The following CMTM4 variants were observed in gnomAD, a reference collection of about 807,000 sequenced individuals.
The protein encoded by CMTM4 is CKLF-like MARVEL transmembrane domain-containing protein 4.
In CMTM4, 8 loss-of-function variants were observed where a neutral mutation model predicts 19.0. The observed-to-expected ratio is 0.42, with a 90% confidence interval of 0.25 to 0.76. The LOEUF (loss-of-function observed/expected upper bound fraction) is 0.76, where lower values mean the gene tolerates loss of function less well. Ranked by LOEUF, CMTM4 falls within the 30% of genes least tolerant of loss-of-function variation. CMTM4 has a pLI of 0.27. For synonymous variants in CMTM4, 106 were observed against 121.1 expected (o/e 0.88, Z 0.82); for missense variants, 228 against 290.2 (o/e 0.79, Z 1.56).
chr16:66,656,501 C>G (rs1459345712), intron 1 of CMTM4, among the ~76,000 whole-genome samples: 4 of 152,006 alleles, frequency 2.6e-5, no homozygotes, highest in Non-Finnish European at 5.9e-5. Context: ...GTAGCTGGGA[C>G]CACAGGCATG....
the CMTM4 span, among the ~76,000 whole-genome samples, chr16:66,606,783 AG>A: frequency 6.6e-6 from 1 of 152,196 alleles, no homozygotes. Context: ...ACCTGAGGTC[AG>A]GAATTCGAGA....
chr16:66,633,802 A>T (rs1328362153), intron 2 of CMTM4, among the ~76,000 whole-genome samples: 1 of 150,682 alleles, frequency 6.6e-6, no homozygotes, highest in Non-Finnish European at 1.5e-5. Context: ...TGGGCGACAG[A>T]GCAAGACCCC....
At chr16:66,643,902 C>T (rs1267498644) in intron 1 of CMTM4, among the ~76,000 whole-genome samples, 1 of 152,070 alleles carries the variant, frequency 6.6e-6, no homozygotes, top group Non-Finnish European at 1.5e-5. Flanking sequence ...TACAGGTGCC[C>T]ACCACCACAC....
At position 66,620,412 on chromosome 16, in the gene CMTM4, C is replaced by A; in HGVS notation, c.*1646G>T. ...GTGCTCAGCCACATAGCCTGGGACA[C>A]TGCTCCCAACTCAGATCGTACTGAA... On this transcript the variant is annotated 3_prime_UTR_variant, in exon 4 of 4. Transcript: ENST00000394106. 2.0e-6 allele frequency: 2 copies of A among 985,508 alleles called. No individual in the cohort carries two copies. Among genetic ancestry groups the A allele is most frequent in the Non-Finnish European group, 2.4e-6 (2 of 829,976 alleles). 61.0% of individuals were successfully genotyped at this position (985,508 alleles called of 1,614,324 possible). A position where few individuals can be genotyped will look rare whatever the true frequency, so the allele number is the denominator to read the frequency against.
In CMTM4 at chr16:66,623,476, A is replaced by T. The variant is rs780655508; in HGVS notation, c.390T>A (p.Ala130=). 2.5e-6 allele frequency: 4 copies of T among 1,613,924 alleles called. No homozygotes were observed. In the South Asian group the frequency reaches 4.4e-5, roughly 18 times the overall value. Residue 130 remains alanine, a synonymous_variant, in exon 3 of 4, where the codon GCT becomes GCA. Transcript: ENST00000394106. Reference sequence around the variant, plus strand: ...CGATTGAAGCAATAAAGAAAAGGAAAGCGCTGAGTCCAGTGTTGACCAAAT... The same window carrying T: ...CGATTGAAGCAATAAAGAAAAGGAATGCGCTGAGTCCAGTGTTGACCAAAT... The part of the protein sequence containing the change: ...LTDLVNTGLS[A]FLFFIASIVL...
chr16:66,600,383 G>A, the CMTM4 span, among the ~76,000 whole-genome samples: 1 of 152,102 alleles, frequency 6.6e-6, no homozygotes. Context: ...GACCTCAGGT[G>A]ATTAGCCCAC....
intron 2 of CMTM4, among the ~76,000 whole-genome samples, chr16:66,631,257 A>C (rs2015861160): frequency 7.2e-6 from 1 of 138,070 alleles, no homozygotes; most frequent in Non-Finnish European, 1.5e-5. Context: ...TCCAGGAGGG[A>C]GGTGGGGGGT....
the CMTM4 span, chr16:66,604,637 G>C: frequency 4.2e-6 from 2 of 471,596 alleles, no homozygotes; most frequent in Non-Finnish European, 6.5e-6. Context: ...AGGGGGAGGG[G>C]CGGGCTGGAG....
intron 2 of CMTM4, among the ~76,000 whole-genome samples, chr16:66,626,295 C>A (rs1264913482): frequency 6.6e-6 from 1 of 151,980 alleles, no homozygotes; most frequent in Admixed American, 6.6e-5. Context: ...ATTAGCTGGA[C>A]CCCGTCTCTA....
chr16:66,689,375 T>C (rs1341107589), intron 1 of CMTM4, among the ~76,000 whole-genome samples: 7 of 152,228 alleles, frequency 4.6e-5, no homozygotes, highest in African/African-American at 7.2e-5. Context: ...TCAAAAGTTT[T>C]TTTTTTCTGC....
At chr16:66,600,768 C>T in the CMTM4 span, among the ~76,000 whole-genome samples, 1 of 152,164 alleles carries the variant, frequency 6.6e-6, no homozygotes, top group African/African-American at 2.4e-5. Context: ...CCAGCAGCAG[C>T]AGAAAAAGCT....
At chr16:66,610,182 G>A (rs368364813), downstream of CMTM4, 29 of 748,840 alleles carry the variant, frequency 3.9e-5, no homozygotes, top group East Asian at 4.3e-4. The surrounding 1 kb of genome is among the most constrained non-coding windows in gnomAD (Gnocchi z 4.6). Context: ...AGTCCCATTC[G>A]CCTCGTGCAC....
intron 1 of CMTM4, among the ~76,000 whole-genome samples, chr16:66,650,794 G>A (rs1159379555): frequency 6.6e-6 from 1 of 152,160 alleles, no homozygotes; most frequent in East Asian, 1.9e-4. Flanking sequence ...ACTCAGCTTT[G>A]TCACGTCATG....
intron 1 of CMTM4, among the ~76,000 whole-genome samples, chr16:66,695,323 G>A (rs1486579547): frequency 1.3e-5 from 2 of 152,086 alleles, no homozygotes; most frequent in Non-Finnish European, 2.9e-5. Flanking sequence ...CTCCACCCTG[G>A]GCGACAGAGA....
At chr16:66,656,570 G>A (rs1049488774) in intron 1 of CMTM4, among the ~76,000 whole-genome samples, 21 of 151,764 alleles carry the variant, frequency 1.4e-4, no homozygotes, top group African/African-American at 4.6e-4. Flanking sequence ...TGCCCAGGCT[G>A]TGAAAGGTTA....
At position 66,696,555 on chromosome 16, in the gene CMTM4, G is replaced by T; in HGVS notation, c.-30C>A. On this transcript the variant is annotated 5_prime_UTR_variant, in exon 1 of 4. Coordinates refer to ENST00000394106, the MANE Select transcript of CMTM4 (RefSeq NM_181521.3). The surrounding 1 kb of genome is among the most constrained non-coding windows in gnomAD (Gnocchi z 4.3). ...CCGCCCGGCCCGGGCCGCCTCGCGCGGCTGGCTCCCGGCGCCAGGAGCGGG... is the reference window on the plus strand; with the variant it reads ...CCGCCCGGCCCGGGCCGCCTCGCGCTGCTGGCTCCCGGCGCCAGGAGCGGG... 13 of 1,163,472 alleles carry T rather than the reference G, an allele frequency of 1.1e-5. No individual in the cohort carries two copies. The highest frequency in any genetic ancestry group is 1.4e-5 in the Non-Finnish European group (13 of 944,162). 72.1% of individuals were successfully genotyped at this position (1,163,472 alleles called of 1,614,324 possible).
chr16:66,604,352 C>G, the CMTM4 span: 1 of 153,846 alleles, frequency 6.5e-6, no homozygotes, highest in African/African-American at 2.4e-5. Flanking sequence ...GCATGGGTTG[C>G]GGAGCCGACA....
chr16:66,647,367 TTCACA>T (rs2016224454), intron 1 of CMTM4, among the ~76,000 whole-genome samples: 1 of 150,990 alleles, frequency 6.6e-6, no homozygotes, highest in Non-Finnish European at 1.5e-5. Context: ...GTACACAGGC[TTCACA>T]ATTATAGCCT....
At chr16:66,689,375 T>G (rs1341107589) in intron 1 of CMTM4, among the ~76,000 whole-genome samples, 1 of 152,228 alleles carries the variant, frequency 6.6e-6, no homozygotes, top group Middle Eastern at 3.2e-3. Flanking sequence ...TCAAAAGTTT[T>G]TTTTTTCTGC....
Sources: allele counts gnomAD v4.1 joint callset (sites outside exome capture counted in the v4.1 genomes callset), GRCh38; gene constraint gnomAD v4.1.1; non-coding constraint Gnocchi (gnomAD v3.1); transcripts MANE v1.5; gene names NCBI Gene and HGNC (gene_info 2026-07-23, HGNC 2026-07-21).